Variants in ADNP observed in about 807,000 individuals in gnomAD.
ADNP encodes the protein activity-dependent neuroprotector homeobox protein.
Under a neutral mutation model 84.9 loss-of-function variants are expected in ADNP, and 4 were observed. That is an observed-to-expected ratio of 0.05 (90% CI 0.02 to 0.11). The LOEUF is 0.11. Ranked by LOEUF, ADNP falls within the 10% of genes least tolerant of loss-of-function variation. The pLI is 1.00. For missense variants in ADNP, 1,132 were observed against 1,326.0 expected (o/e 0.85, Z 2.27); for synonymous variants, 554 against 468.1 (o/e 1.18, Z -2.37).
At chr20:50,898,415 T>TG (rs1304527819) in intron 5 of ADNP, among the ~76,000 whole-genome samples, 1 of 152,208 alleles carries the variant, frequency 6.6e-6, no homozygotes, top group Non-Finnish European at 1.5e-5. Flanking sequence ...CGTGTGCACC[T>TG]GTGTCTGCTC....
chr20:50,920,120 T>G (rs895273524), intron 2 of ADNP, among the ~76,000 whole-genome samples: 2 of 147,852 alleles, frequency 1.4e-5, no homozygotes, highest in African/African-American at 5.0e-5. Context: ...CTACTAAAAA[T>G]ACAAAAATTA....
At chr20:50,906,030 G>C (rs1982442562) in intron 2 of ADNP, among the ~76,000 whole-genome samples, 1 of 152,152 alleles carries the variant, frequency 6.6e-6, no homozygotes, top group African/African-American at 2.4e-5. Flanking sequence ...GGCCAACATG[G>C]TGAAAACCCG....
intron 2 of ADNP, among the ~76,000 whole-genome samples, chr20:50,916,935 A>G (rs1368261643): frequency 6.6e-6 from 1 of 152,226 alleles, no homozygotes. Context: ...ATTGAGATTC[A>G]TCTTCCAAAT....
intron 5 of ADNP, among the ~76,000 whole-genome samples, chr20:50,900,996 C>T (rs892843810): frequency 6.6e-6 from 1 of 152,030 alleles, no homozygotes; most frequent in Non-Finnish European, 1.5e-5. Flanking sequence ...TATTTAAAAG[C>T]CAATAATACA....
chr20:50,894,582 C>G, intron 5 of ADNP, 70 bp from the exon 6 acceptor site: 1 of 1,478,832 alleles, frequency 6.8e-7, no homozygotes, highest in Non-Finnish European at 9.1e-7. Flanking sequence ...CCAGATCCCC[C>G]CCGGATATTC....
In ADNP at chr20:50,891,311, A is replaced by G; in HGVS notation, c.*94T>C. 6.9e-7 allele frequency: 1 copy of G among 1,452,944 alleles called. No homozygotes were observed. The highest frequency in any genetic ancestry group is 2.5e-5 in the East Asian group (1 of 40,504). 90.0% of individuals were successfully genotyped at this position (1,452,944 alleles called of 1,614,324 possible). Reference sequence around the variant, plus strand: ...ATGCCCCACAGTCCAACCAGTACTCACAAGGCAGTACCAGTGAGAAGACAG... The same window carrying G: ...ATGCCCCACAGTCCAACCAGTACTCGCAAGGCAGTACCAGTGAGAAGACAG... On this transcript the variant is annotated 3_prime_UTR_variant, in exon 6 of 6. Transcript: ENST00000621696.
chr20:50,913,985 A>G, intron 2 of ADNP: 2 of 744,534 alleles, frequency 2.7e-6, no homozygotes, highest in Non-Finnish European at 5.0e-6. Flanking sequence ...GGCCAGAATG[A>G]GACTGTAAAA....
At chr20:50,911,703 T>C (rs758188769) in intron 2 of ADNP, among the ~76,000 whole-genome samples, 4 of 152,048 alleles carry the variant, frequency 2.6e-5, no homozygotes, top group Non-Finnish European at 4.4e-5. Flanking sequence ...ATATAGTCTG[T>C]ATTTTTACGG....
intron 5 of ADNP, 142 bp downstream of exon 5, chr20:50,901,875 T>C: frequency 2.7e-6 from 2 of 752,524 alleles, no homozygotes; most frequent in South Asian, 3.1e-5. Flanking sequence ...TTCCCACTGG[T>C]CAGGAAAATA....
intron 4 of ADNP, 39 bp downstream of exon 4, chr20:50,903,850 C>G: frequency 6.8e-7 from 1 of 1,471,092 alleles, no homozygotes; most frequent in Non-Finnish European, 9.5e-7. Flanking sequence ...GGATCAGAAG[C>G]TGAGTCATGT....
chr20:50,922,126 T>C (rs2122980429), intron 2 of ADNP, among the ~76,000 whole-genome samples: 1 of 152,258 alleles, frequency 6.6e-6, no homozygotes, highest in East Asian at 1.9e-4. Flanking sequence ...CTCTCAAACT[T>C]TGTTTTTCCT....
Position 50,891,009 on chromosome 20 carries a change from T to C in ADNP, c.*396A>G. The C allele has an allele frequency of 1.9e-5, 19 of 1,010,840 alleles. No homozygotes were observed. The highest frequency in any genetic ancestry group is 2.1e-5 in the Non-Finnish European group (18 of 847,376). 62.6% of individuals were successfully genotyped at this position (1,010,840 alleles called of 1,614,324 possible). A position where few individuals can be genotyped will look rare whatever the true frequency, so the allele number is the denominator to read the frequency against. Reference sequence around the variant, plus strand: ...AAAAATCGCTTTTCCCAAAGTCTACTATACACATTAGACTGGTAGCTTGTA... The same window carrying C: ...AAAAATCGCTTTTCCCAAAGTCTACCATACACATTAGACTGGTAGCTTGTA... On this transcript the variant is annotated 3_prime_UTR_variant, in exon 6 of 6. Coordinates refer to ENST00000621696, the MANE Select transcript of ADNP (RefSeq NM_001282531.3).
chr20:50,915,015 T>C (rs1395642686), intron 2 of ADNP, among the ~76,000 whole-genome samples: 1 of 152,202 alleles, frequency 6.6e-6, no homozygotes, highest in African/African-American at 2.4e-5. Flanking sequence ...ATAAAACGTA[T>C]GGTTTTTTAA....
intron 5 of ADNP, among the ~76,000 whole-genome samples, chr20:50,894,957 ACT>A (rs1391632607): frequency 6.6e-6 from 1 of 152,038 alleles, no homozygotes; most frequent in East Asian, 1.9e-4. Flanking sequence ...TAAAATAGAA[ACT>A]CAAAAAAAAA....
intron 2 of ADNP, among the ~76,000 whole-genome samples, chr20:50,919,514 C>T (rs1007724760): frequency 6.6e-6 from 1 of 151,922 alleles, no homozygotes; most frequent in South Asian, 2.1e-4. Flanking sequence ...ACAAAGCAGG[C>T]ACTCAATAAA....
In ADNP at chr20:50,891,249, T is replaced by C. The variant is rs555191804; in HGVS notation, c.*156A>G. 8 of 1,410,610 alleles carry C rather than the reference T, an allele frequency of 5.7e-6. No homozygotes were observed. In the East Asian group the frequency reaches 7.8e-5, roughly 14 times the overall value. 87.4% of individuals were successfully genotyped at this position (1,410,610 alleles called of 1,614,324 possible). A position where few individuals can be genotyped will look rare whatever the true frequency, so the allele number is the denominator to read the frequency against. On this transcript the variant is annotated 3_prime_UTR_variant, in exon 6 of 6. Coordinates refer to ENST00000621696, the MANE Select transcript of ADNP (RefSeq NM_001282531.3). ...GAAGCAAGAACAGCCTGTCCTGTCATAGACTTAGAAATAACCACTGGAACT... is the reference window on the plus strand; with the variant it reads ...GAAGCAAGAACAGCCTGTCCTGTCACAGACTTAGAAATAACCACTGGAACT...
rs544115605 is a variant in ADNP, at chr20:50,922,311, C to T, written c.-90+6340G>A. Among the ~76,000 whole-genome samples the T allele has an allele frequency of 1.9e-3, 285 of 152,290 alleles. 1 individual carries two copies. Among genetic ancestry groups the T allele is most frequent in the Admixed American group, 3.2e-3 (49 of 15,304 alleles). On this transcript the variant is annotated intron_variant, in intron 2 of 5. Coordinates refer to ENST00000621696, the MANE Select transcript of ADNP (RefSeq NM_001282531.3). ...GGCTCAGTCCCCAAAACTGCTCTCT[C>T]CTTCTTCAGACTCCAACTGTAAGTC...
In ADNP at chr20:50,891,288, G is replaced by A. The variant is rs1432699538; in HGVS notation, c.*117C>T. 7.0e-7 allele frequency: 1 copy of A among 1,429,794 alleles called. No homozygotes were observed. The highest frequency in any genetic ancestry group is 9.1e-7 in the Non-Finnish European group (1 of 1,098,018). 88.6% of individuals were successfully genotyped at this position (1,429,794 alleles called of 1,614,324 possible). On this transcript the variant is annotated 3_prime_UTR_variant, in exon 6 of 6. Transcript: ENST00000621696. Reference sequence around the variant, plus strand: ...ACCACTGGAACTGCAGCGGCCACATGCCCCACAGTCCAACCAGTACTCACA... The same window carrying A: ...ACCACTGGAACTGCAGCGGCCACATACCCCACAGTCCAACCAGTACTCACA...
At chr20:50,927,676 G>A (rs955891747) in intron 2 of ADNP, among the ~76,000 whole-genome samples, 23 of 151,908 alleles carry the variant, frequency 1.5e-4, no homozygotes, top group East Asian at 3.9e-4. Context: ...GATTACAGGC[G>A]TAAGCCACCT....
Sources: allele counts gnomAD v4.1 joint callset (sites outside exome capture counted in the v4.1 genomes callset), GRCh38; gene constraint gnomAD v4.1.1; transcripts MANE v1.5; gene names NCBI Gene and HGNC (gene_info 2026-07-23, HGNC 2026-07-21).